APOBEC3C: variants seen among roughly 807,000 people sequenced by gnomAD.
APOBEC3C encodes DNA dC->dU-editing enzyme APOBEC-3C.
In APOBEC3C, 14 loss-of-function variants were observed where a neutral mutation model predicts 20.6. That is an observed-to-expected ratio of 0.68 (90% CI 0.45 to 1.06). The LOEUF (loss-of-function observed/expected upper bound fraction) is 1.06, where lower values mean the gene tolerates loss of function less well. APOBEC3C is among the 50% of genes least tolerant of loss of function. The pLI, the probability that APOBEC3C is intolerant of heterozygous loss-of-function variation, is 0.00. For synonymous variants in APOBEC3C, 98 were observed against 88.8 expected, an observed-to-expected ratio of 1.10 and a Z score of -0.58; for missense variants, 244 against 241.9, an observed-to-expected ratio of 1.01 and a Z score of -0.06.
intron 2 of APOBEC3C, among the ~76,000 whole-genome samples, chr22:39,017,267 G>A (rs1026921004): frequency 6.6e-6 from 1 of 151,974 alleles, no homozygotes; most frequent in Non-Finnish European, 1.5e-5. Context: ...AAGAGAGAAG[G>A]AGAAGGATAG....
In APOBEC3C at chr22:39,014,337, G is replaced by T; in HGVS notation, c.-26G>T. Reference sequence around the variant, plus strand: ...AGCGCTTCAGAAAAGAGTGGGACAGGGACAAGCATATCTAAGAGGCTGAAC... The same window carrying T: ...AGCGCTTCAGAAAAGAGTGGGACAGTGACAAGCATATCTAAGAGGCTGAAC... On this transcript the variant is annotated 5_prime_UTR_variant, in exon 1 of 4. Transcript: ENST00000361441. 1 of 1,614,154 alleles carries T rather than the reference G, an allele frequency of 6.2e-7. No homozygotes were observed. Among genetic ancestry groups the T allele is most frequent in the East Asian group, 2.2e-5 (1 of 44,884 alleles).
intron 1 of APOBEC3C, among the ~76,000 whole-genome samples, chr22:39,014,916 C>T (rs779180069): frequency 6.6e-6 from 1 of 152,172 alleles, no homozygotes; most frequent in Non-Finnish European, 1.5e-5. Flanking sequence ...ACCCCAGACA[C>T]AGGCTCCTCC....
chr22:39,015,690 C>G lies in APOBEC3C; in HGVS notation c.113C>G (p.Thr38Ser), dbSNP rs1392351304. 4 of 1,613,988 alleles carry G rather than the reference C, an allele frequency of 2.5e-6. No homozygotes were observed. Among genetic ancestry groups the G allele is most frequent in the Non-Finnish European group, 3.4e-6 (4 of 1,180,032 alleles). ...NDRNETWLCFTVEGIKRRSVV... is the reference protein window; with the variant it reads ...NDRNETWLCFSVEGIKRRSVV... ...CGGAACGAAACTTGGCTGTGCTTCACCGTGGAAGGTATAAAGCGCCGCTCA... is the reference window on the plus strand; with the variant it reads ...CGGAACGAAACTTGGCTGTGCTTCAGCGTGGAAGGTATAAAGCGCCGCTCA... The change falls in exon 2 of 4, where the codon ACC becomes AGC. Residue 38 changes from threonine (T) to serine (S), a missense_variant. Thr to Ser is a moderately conservative substitution (Grantham distance 58). Coordinates refer to ENST00000361441, the MANE Select transcript of APOBEC3C (RefSeq NM_014508.3).
At chr22:39,015,293 T>TAAA (rs531167782) in intron 1 of APOBEC3C, among the ~76,000 whole-genome samples, 6 of 131,964 alleles carry the variant, frequency 4.5e-5, no homozygotes, top group African/African-American at 1.6e-4. Context: ...ATGCCGTCTT[T>TAAA]AAAAAAAAAA....
rs757607314 is a variant in APOBEC3C at position 39,015,562 on chromosome 22, C to A, written c.18-33C>A. On this transcript the variant is annotated intron_variant, in intron 1 of 3. Coordinates refer to ENST00000361441, the MANE Select transcript of APOBEC3C (RefSeq NM_014508.3). ...GCCCTGAGGACTCCGGTGCGGGGGT[C>A]TCTGCATTGGGGTTTCTCTCTTGTG... The A allele has an allele frequency of 3.7e-6, 6 of 1,607,748 alleles. No homozygotes were observed. In the African/African-American group the frequency reaches 5.3e-5, roughly 14 times the overall value.
chr22:39,018,053 G>T lies in APOBEC3C; in HGVS notation c.454+8G>T, dbSNP rs758434327. 2.2e-5 allele frequency: 36 copies of T among 1,613,546 alleles called. No homozygotes were observed. The highest frequency in any genetic ancestry group is 3.0e-5 in the Non-Finnish European group (35 of 1,179,574). On this transcript the variant is annotated splice_region_variant and intron_variant, in intron 3 of 3. Transcript: ENST00000361441. Reference sequence around the variant, plus strand: ...AGATCATGGACTATGAAGGTGAGACGTGGGGGGCTGAGGAGAGTGGGTGCA... The same window carrying T: ...AGATCATGGACTATGAAGGTGAGACTTGGGGGGCTGAGGAGAGTGGGTGCA...
At chr22:39,015,390 G>A (rs568868865) in intron 1 of APOBEC3C, among the ~76,000 whole-genome samples, 4 of 151,834 alleles carry the variant, frequency 2.6e-5, no homozygotes, top group African/African-American at 7.2e-5. Flanking sequence ...AGGTCACCCC[G>A]GCCCTGCTGC....
At chr22:39,016,373 CTTTTTTTCTTTTTTTT>C (rs1192602827) in intron 2 of APOBEC3C, among the ~76,000 whole-genome samples, 26 of 98,074 alleles carry the variant, frequency 2.7e-4, no homozygotes, top group Non-Finnish European at 3.9e-4. Flanking sequence ...CTAATTTTTT[CTTTTTTTCTTTTTTTT>C]TTTTTTTTTA....
At position 39,018,454 on chromosome 22, in the gene APOBEC3C, C is replaced by T; in HGVS notation, c.*67C>T. On this transcript the variant is annotated 3_prime_UTR_variant, in exon 4 of 4. Coordinates refer to ENST00000361441, the MANE Select transcript of APOBEC3C (RefSeq NM_014508.3). ...TGCTCATGCTGCACGGGCCTCCCCTCCACCCTGGACCCGCTCTGTTTCTGC... is the reference window on the plus strand; with the variant it reads ...TGCTCATGCTGCACGGGCCTCCCCTTCACCCTGGACCCGCTCTGTTTCTGC... 1 of 1,543,662 alleles carries T rather than the reference C, an allele frequency of 6.5e-7. No individual in the cohort carries two copies. Among genetic ancestry groups the T allele is most frequent in the Non-Finnish European group, 8.8e-7 (1 of 1,133,826 alleles).
At chr22:39,017,482 A>G (rs991890103) in intron 2 of APOBEC3C, among the ~76,000 whole-genome samples, 3 of 152,012 alleles carry the variant, frequency 2.0e-5, no homozygotes, top group African/African-American at 7.3e-5. Flanking sequence ...TAAAAAAATT[A>G]TTTAAAAAAT....
At position 39,014,652 on chromosome 22, in the gene APOBEC3C, C is replaced by T. The variant is rs186192156; in HGVS notation, c.17+273C>T. 2.9e-3 allele frequency among the ~76,000 whole-genome samples: 435 copies of T among 151,896 alleles called. 4 individuals are homozygous for T. Among genetic ancestry groups the T allele is most frequent in the Non-Finnish European group, 4.0e-3 (275 of 67,926 alleles). ...AAATCATGCCCGGGCTGGTGCTTCC[C>T]GCCCTGGGAGGGTGCTTCCTCTGTG... On this transcript the variant is annotated intron_variant, in intron 1 of 3. Transcript: ENST00000361441.
In APOBEC3C at chr22:39,019,337, T is replaced by A. The variant is rs998465216; in HGVS notation, c.*950T>A. On this transcript the variant is annotated 3_prime_UTR_variant, in exon 4 of 4. Coordinates refer to ENST00000361441, the MANE Select transcript of APOBEC3C (RefSeq NM_014508.3). ...CCTCCCAGCTCCCAGCCCTTCCTAG[T>A]GCCCATGGGCTTTACATAGGGCAAG... is the stretch of plus-strand genomic sequence containing the variant. 3 of 152,262 alleles carry A rather than the reference T, an allele frequency of 2.0e-5. No individual in the cohort carries two copies. Among genetic ancestry groups the A allele is most frequent in the African/African-American group, 7.2e-5 (3 of 41,458 alleles). The allele number at this position is 152,262 out of a possible 1,614,324, so 9.4% of individuals were successfully genotyped here. A position where few individuals can be genotyped will look rare whatever the true frequency, so the allele number is the denominator to read the frequency against.
At chr22:39,015,287 C>T (rs1236053881) in intron 1 of APOBEC3C, among the ~76,000 whole-genome samples, 2 of 146,194 alleles carry the variant, frequency 1.4e-5, no homozygotes, top group African/African-American at 5.3e-5. Flanking sequence ...AGCGAGATGC[C>T]GTCTTTAAAA....
chr22:39,018,007 G>A lies in APOBEC3C; in HGVS notation c.416G>A (p.Ser139Asn). Residue 139 changes from serine (S) to asparagine (N), a missense_variant, in exon 3 of 4, where the codon AGT (serine) becomes AAT (asparagine). Ser to Asn is a conservative substitution (Grantham distance 46, BLOSUM62 1). Coordinates refer to ENST00000361441, the MANE Select transcript of APOBEC3C (RefSeq NM_014508.3). ...TACCAGGAGGGGCTCCGCAGCCTGA[G>A]TCAGGAAGGGGTCGCTGTGGAGATC... ...PCYQEGLRSLSQEGVAVEIMD... is the reference protein window; with the variant it reads ...PCYQEGLRSLNQEGVAVEIMD... 6.2e-7 allele frequency: 1 copy of A among 1,614,182 alleles called. No individual in the cohort carries two copies. Among genetic ancestry groups the A allele is most frequent in the Non-Finnish European group, 8.5e-7 (1 of 1,180,036 alleles).
At position 39,015,680 on chromosome 22, in the gene APOBEC3C, C is replaced by T; in HGVS notation, c.103C>T (p.Leu35=). The change falls in exon 2 of 4, where the codon CTG becomes TTG. Residue 35 remains leucine (L), a synonymous_variant. Transcript: ENST00000361441. ...AGCCAACGATCGGAACGAAACTTGG[C>T]TGTGCTTCACCGTGGAAGGTATAAA... ...WEANDRNETW[L]CFTVEGIKRR... is the part of the protein sequence containing the mutation. The T allele has an allele frequency of 1.2e-6, 2 of 1,614,130 alleles. No homozygotes were observed. Among genetic ancestry groups the T allele is most frequent in the Non-Finnish European group, 1.7e-6 (2 of 1,180,028 alleles).
Position 39,017,796 on chromosome 22 carries a change from A to C in APOBEC3C, c.205A>C (p.Arg69=). The C allele has an allele frequency of 5.0e-6, 8 of 1,613,776 alleles. No individual in the cohort carries two copies. Among genetic ancestry groups the C allele is most frequent in the Non-Finnish European group, 6.8e-6 (8 of 1,179,758 alleles). ...TTCTGAGACCCATTGTCATGCAGAA[A>C]GGTGCTTCCTCTCTTGGTTCTGCGA... is the stretch of plus-strand genomic sequence containing the variant. ...VDSETHCHAE[R]CFLSWFCDDI... is the part of the protein sequence containing the mutation. Residue 69 remains arginine, a synonymous_variant, in exon 3 of 4, where the codon AGG becomes CGG. Coordinates refer to ENST00000361441, the MANE Select transcript of APOBEC3C (RefSeq NM_014508.3).
At position 39,016,770 on chromosome 22, in the gene APOBEC3C, C is replaced by T. The variant is rs533528682; in HGVS notation, c.175-996C>T. 1.2e-3 allele frequency among the ~76,000 whole-genome samples: 183 copies of T among 152,310 alleles called. 1 individual carries two copies. The highest frequency in any genetic ancestry group is 4.2e-3 in the African/African-American group (175 of 41,572). ...TGACTGCGGGCTGGTGGGGCCGCCC[C>T]CGCCACTGCCCTGATTCCTCAGCAG... On this transcript the variant is annotated intron_variant, in intron 2 of 3. Coordinates refer to ENST00000361441, the MANE Select transcript of APOBEC3C (RefSeq NM_014508.3).
In APOBEC3C at chr22:39,019,516, A is replaced by G. The variant is rs1204608719; in HGVS notation, c.*1129A>G. 1.3e-5 allele frequency: 2 copies of G among 152,196 alleles called. No individual in the cohort carries two copies. Among genetic ancestry groups the G allele is most frequent in the African/African-American group, 4.8e-5 (2 of 41,442 alleles). 9.4% of individuals were successfully genotyped at this position (152,196 alleles called of 1,614,324 possible). On this transcript the variant is annotated 3_prime_UTR_variant, in exon 4 of 4. Transcript: ENST00000361441. ...CTAAACACTTTAAATTTGATTTGAC[A>G]TTTTCAAAGCAGATGTAAGTTTTAG...
At chr22:39,015,523 T>C in intron 1 of APOBEC3C, 72 bp from the exon 2 acceptor site, 1 of 1,546,290 alleles carries the variant, frequency 6.5e-7, no homozygotes, top group Non-Finnish European at 8.8e-7. Flanking sequence ...GGCAGCTGTG[T>C]TCAGTGGGCA....
Sources: allele counts gnomAD v4.1 joint callset (sites outside exome capture counted in the v4.1 genomes callset), GRCh38; gene constraint gnomAD v4.1.1; transcripts MANE v1.5; gene names NCBI Gene and HGNC (gene_info 2026-07-23, HGNC 2026-07-21).